Variants in PAX5 observed in about 807,000 individuals in gnomAD.
The protein encoded by PAX5 is paired box protein Pax-5.
A neutral mutation model predicts 43.7 loss-of-function variants in PAX5; 9 were observed. That is an observed-to-expected ratio of 0.21 (90% confidence interval 0.12 to 0.36). The LOEUF (loss-of-function observed/expected upper bound fraction) is 0.36, where lower values mean the gene tolerates loss of function less well. Among genes scored for constraint, PAX5 ranks in the 10% least tolerant of loss-of-function variants. PAX5 has a pLI of 1.00. For synonymous variants in PAX5, 228 were observed against 214.3 expected, an observed-to-expected ratio of 1.06 and a Z score of -0.56; for missense variants, 383 against 532.7, an observed-to-expected ratio of 0.72 and a Z score of 2.77.
chr9:36,855,686 G>A (rs915381745), intron 8 of PAX5, among the ~76,000 whole-genome samples: 1 of 151,882 alleles, frequency 6.6e-6, no homozygotes, highest in African/African-American at 2.4e-5. Context: ...TTCCCATGGA[G>A]CTTCTCAGCC....
At position 36,846,865 on chromosome 9, in the gene PAX5, C is replaced by G. The variant is rs2131591281; in HGVS notation, c.1077G>C (p.Arg359Ser). 1 of 1,614,108 alleles carries G rather than the reference C, an allele frequency of 6.2e-7. No homozygotes were observed. The highest frequency in any genetic ancestry group is 8.5e-7 in the Non-Finnish European group (1 of 1,179,954). The change falls in exon 9 of 10, where the codon AGG becomes AGC. Residue 359 changes from arginine (R) to serine (S), a missense_variant. Arg to Ser is a moderately radical substitution (Grantham distance 110, BLOSUM62 -1). Around this residue, in one of 5 missense-constraint regions of PAX5, gnomAD observed 291 missense variants for 342.5 expected, o/e 0.85. Transcript: ENST00000358127. ...CACCAAGCAGCCCCGGGTTGGGGAA[C>G]CTCCAGGAGTCGTTGTACGAGGAAT... is the stretch of plus-strand genomic sequence containing the variant. ...PQYSSYNDSW[R>S]FPNPGLLGSP...
At chr9:36,927,330 A>G (rs1025437070) in intron 6 of PAX5, among the ~76,000 whole-genome samples, 11 of 152,202 alleles carry the variant, frequency 7.2e-5, no homozygotes, top group East Asian at 3.8e-4. Flanking sequence ...TACTTCCCCC[A>G]AGAAAGCAGA....
chr9:36,986,942 A>C (rs532102208), intron 5 of PAX5, among the ~76,000 whole-genome samples: 2 of 152,154 alleles, frequency 1.3e-5, no homozygotes, highest in African/African-American at 4.8e-5. Flanking sequence ...GCCCATGCCC[A>C]GTGCCTGGGT....
chr9:36,915,071 C>T (rs1399545800), intron 7 of PAX5, among the ~76,000 whole-genome samples: 11 of 152,114 alleles, frequency 7.2e-5, no homozygotes, highest in African/African-American at 2.2e-4. Flanking sequence ...ATGGATGTTG[C>T]GTTGTCTGTT....
intron 7 of PAX5, chr9:36,893,558 C>T (rs1330710865): frequency 6.5e-6 from 1 of 154,338 alleles, no homozygotes; most frequent in African/African-American, 2.4e-5. Context: ...CACATAGTTC[C>T]GACGAGCTCA....
intron 5 of PAX5, among the ~76,000 whole-genome samples, chr9:36,997,954 C>T (rs1430201537): frequency 6.6e-6 from 1 of 152,230 alleles, no homozygotes; most frequent in East Asian, 1.9e-4. Context: ...TAGAACAGGC[C>T]TGCCTCAAAA....
chr9:36,899,187 GC>G (rs1828148465), intron 7 of PAX5, among the ~76,000 whole-genome samples: 1 of 152,162 alleles, frequency 6.6e-6, no homozygotes, highest in Non-Finnish European at 1.5e-5. Context: ...CCAGGCAAAT[GC>G]CACCAATATC....
intron 6 of PAX5, among the ~76,000 whole-genome samples, chr9:36,946,814 A>AG (rs1832559748): frequency 6.6e-6 from 1 of 152,212 alleles, no homozygotes; most frequent in South Asian, 2.1e-4. Context: ...AACCACCAGC[A>AG]GGCAGGGCCC....
intron 2 of PAX5, among the ~76,000 whole-genome samples, chr9:37,016,301 T>A (rs1336090838): frequency 4.6e-5 from 7 of 152,200 alleles, no homozygotes; most frequent in Non-Finnish European, 8.8e-5. Flanking sequence ...AAGAGAAAAA[T>A]AATAATCCTG....
intron 8 of PAX5, among the ~76,000 whole-genome samples, chr9:36,873,757 C>T (rs1350762066): frequency 1.3e-5 from 2 of 152,240 alleles, no homozygotes; most frequent in African/African-American, 4.8e-5. Context: ...CCAGTGTCCG[C>T]TGGACCCTCC....
intron 9 of PAX5, among the ~76,000 whole-genome samples, chr9:36,843,854 T>C (rs1822311653): frequency 6.6e-6 from 1 of 152,182 alleles, no homozygotes; most frequent in African/African-American, 2.4e-5. Flanking sequence ...AGGACAGAGC[T>C]TCTGGTGCCC....
rs1026715836 is a variant in PAX5 at position 36,913,529 on chromosome 9, G to A, written c.910+9826C>T. Among the ~76,000 whole-genome samples, 3 of 152,182 alleles carry A rather than the reference G, an allele frequency of 2.0e-5. No homozygotes were observed. The South Asian group carries it at 6.2e-4, about 31-fold the overall frequency. On this transcript the variant is annotated intron_variant, in intron 7 of 9. Coordinates refer to ENST00000358127, the MANE Select transcript of PAX5 (RefSeq NM_016734.3). Reference sequence around the variant, plus strand: ...TGGCTCCCCCATCAGCAGGCCTGTGGCCCAATGAGACACCTGCAGATAATT... The same window carrying A: ...TGGCTCCCCCATCAGCAGGCCTGTGACCCAATGAGACACCTGCAGATAATT...
At position 36,846,876 on chromosome 9, in the gene PAX5, C is replaced by A; in HGVS notation, c.1066G>T (p.Asp356Tyr). The A allele has an allele frequency of 1.2e-6, 2 of 1,614,078 alleles. No individual in the cohort carries two copies. Among genetic ancestry groups the A allele is most frequent in the Non-Finnish European group, 8.5e-7 (1 of 1,179,958 alleles). Reference protein sequence around the residue: ...YSHPQYSSYNDSWRFPNPGLL... With the variant: ...YSHPQYSSYNYSWRFPNPGLL... ...CCCGGGTTGGGGAACCTCCAGGAGTCGTTGTACGAGGAATACTGAGGGTGG... is the reference window on the plus strand; with the variant it reads ...CCCGGGTTGGGGAACCTCCAGGAGTAGTTGTACGAGGAATACTGAGGGTGG... The change falls in exon 9 of 10, where the codon GAC (aspartate) becomes TAC (tyrosine). Residue 356 changes from aspartate to tyrosine, a missense_variant. Asp to Tyr is a radical substitution (Grantham distance 160). Coordinates refer to ENST00000358127, the MANE Select transcript of PAX5 (RefSeq NM_016734.3).
intron 7 of PAX5, 123 bp downstream of exon 7, chr9:36,923,232 T>C (rs1285207517): frequency 7.9e-7 from 1 of 1,262,550 alleles, no homozygotes; most frequent in Non-Finnish European, 1.1e-6. Flanking sequence ...CCAGGCCTCA[T>C]AACCTTGTTA....
chr9:36,957,885 G>A (rs534725998), intron 6 of PAX5, among the ~76,000 whole-genome samples: 51 of 152,252 alleles, frequency 3.3e-4, no homozygotes, highest in African/African-American at 1.1e-3. Flanking sequence ...TTGAGCTGAT[G>A]CAGTTGATGG....
At chr9:36,907,043 T>C (rs950838683) in intron 7 of PAX5, among the ~76,000 whole-genome samples, 9 of 152,024 alleles carry the variant, frequency 5.9e-5, no homozygotes, top group African/African-American at 2.2e-4. Flanking sequence ...AGCCTCTCTG[T>C]GCTACAGTGA....
chr9:36,850,303 C>T (rs1298416939), intron 8 of PAX5, among the ~76,000 whole-genome samples: 12 of 152,250 alleles, frequency 7.9e-5, no homozygotes, highest in Non-Finnish European at 1.5e-5. Flanking sequence ...AGGAGGACAG[C>T]TTGCAGTCAG....
At chr9:37,014,382 G>C (rs1355789811) in intron 3 of PAX5, among the ~76,000 whole-genome samples, 2 of 152,168 alleles carry the variant, frequency 1.3e-5, no homozygotes, top group African/African-American at 4.8e-5. Context: ...GAGCATCTTA[G>C]CCTCCTGGAC....
chr9:36,955,493 TG>T (rs1159652819), intron 6 of PAX5, among the ~76,000 whole-genome samples: 7 of 152,182 alleles, frequency 4.6e-5, no homozygotes, highest in Admixed American at 2.6e-4. Flanking sequence ...CTTCAGCTTG[TG>T]GGTAAAACTT....
Sources: allele counts gnomAD v4.1 joint callset (sites outside exome capture counted in the v4.1 genomes callset), GRCh38; gene constraint gnomAD v4.1.1; regional missense constraint gnomAD v4.1.1; transcripts MANE v1.5; gene names NCBI Gene and HGNC (gene_info 2026-07-23, HGNC 2026-07-21).